Variants in TMEM178A observed in about 807,000 individuals in gnomAD.
TMEM178A encodes transmembrane protein 178.
In TMEM178A, 12 loss-of-function variants were observed where a neutral mutation model predicts 29.1. The observed-to-expected ratio is 0.41, with a 90% confidence interval of 0.26 to 0.67. The LOEUF (loss-of-function observed/expected upper bound fraction) is 0.67, where lower values mean the gene tolerates loss of function less well. Among genes scored for constraint, TMEM178A ranks in the 30% least tolerant of loss-of-function variants. The probability of loss-of-function intolerance (pLI) is 0.29; values close to 1 mark genes in which losing one functional copy is unlikely to be tolerated. For missense variants in TMEM178A, 366 were observed against 419.1 expected, an observed-to-expected ratio of 0.87 and a Z score of 1.11; for synonymous variants, 210 against 187.2, an observed-to-expected ratio of 1.12 and a Z score of -0.99.
chr2:39,694,739 G>C (rs1294204300), intron 1 of TMEM178A, among the ~76,000 whole-genome samples: 19 of 152,164 alleles, frequency 1.2e-4, no homozygotes, highest in Non-Finnish European at 7.3e-5. Flanking sequence ...TCAAAGTATT[G>C]ATTGCATGTT....
chr2:39,696,853 T>A (rs1380338973), intron 1 of TMEM178A, among the ~76,000 whole-genome samples: 1 of 152,224 alleles, frequency 6.6e-6, no homozygotes, highest in Non-Finnish European at 1.5e-5. Context: ...ATCATTAAAG[T>A]GGCTCTACTT....
the TMEM178A span, among the ~76,000 whole-genome samples, chr2:39,728,219 A>C: frequency 4.2e-3 from 644 of 152,164 alleles, 5 homozygotes; most frequent in African/African-American, 0.014. Context: ...TCCTCTCCAG[A>C]ATCTGTTTCC....
At chr2:39,692,604 G>A (rs1671370649) in intron 1 of TMEM178A, among the ~76,000 whole-genome samples, 1 of 152,018 alleles carries the variant, frequency 6.6e-6, no homozygotes, top group Non-Finnish European at 1.5e-5. Flanking sequence ...TGATCCCTAG[G>A]TCACACTTTA....
chr2:39,730,289 G>A, the TMEM178A span, among the ~76,000 whole-genome samples: 1 of 152,156 alleles, frequency 6.6e-6, no homozygotes, highest in Non-Finnish European at 1.5e-5. Context: ...TGGACAATGA[G>A]CAGCTGGGAA....
chr2:39,699,687 G>A (rs1671699126), intron 1 of TMEM178A, among the ~76,000 whole-genome samples: 1 of 152,022 alleles, frequency 6.6e-6, no homozygotes, highest in Admixed American at 6.6e-5. Flanking sequence ...CAACTCCTGG[G>A]TTCAAGTGAC....
downstream of TMEM178A, among the ~76,000 whole-genome samples, chr2:39,720,050 T>C (rs536606835): frequency 5.3e-5 from 8 of 152,218 alleles, no homozygotes; most frequent in African/African-American, 1.4e-4. Flanking sequence ...AAATTAAGCT[T>C]ACTCTTTTTG....
the TMEM178A span, among the ~76,000 whole-genome samples, chr2:39,724,626 G>A: frequency 3.3e-5 from 5 of 152,092 alleles, no homozygotes; most frequent in Non-Finnish European, 5.9e-5. Context: ...TTTTCCCTTT[G>A]AGAGACTGGT....
chr2:39,731,252 A>G, the TMEM178A span, among the ~76,000 whole-genome samples: 1 of 152,220 alleles, frequency 6.6e-6, no homozygotes, highest in Non-Finnish European at 1.5e-5. Flanking sequence ...AGGGTCTTCA[A>G]TATAATTCCC....
chr2:39,681,713 G>A (rs1164791685), intron 1 of TMEM178A, among the ~76,000 whole-genome samples: 1 of 152,140 alleles, frequency 6.6e-6, no homozygotes, highest in Non-Finnish European at 1.5e-5. Flanking sequence ...AAATTACTCT[G>A]TAGTAGCCAT....
At chr2:39,701,502 T>G (rs1161440841) in intron 1 of TMEM178A, among the ~76,000 whole-genome samples, 1 of 152,188 alleles carries the variant, frequency 6.6e-6, no homozygotes, top group Non-Finnish European at 1.5e-5. Flanking sequence ...TTCAACAGTT[T>G]GATTATGATA....
At chr2:39,686,348 G>A (rs1671075838) in intron 1 of TMEM178A, among the ~76,000 whole-genome samples, 1 of 152,126 alleles carries the variant, frequency 6.6e-6, no homozygotes, top group Admixed American at 6.5e-5. Flanking sequence ...TCTGGTAAAA[G>A]GGGATAATCC....
chr2:39,692,534 T>A (rs116919116), intron 1 of TMEM178A, among the ~76,000 whole-genome samples: 51 of 152,214 alleles, frequency 3.4e-4, no homozygotes, highest in Non-Finnish European at 6.3e-4. Context: ...CAGTGATTGA[T>A]AGTTGGCTAC....
chr2:39,732,138 T>A, the TMEM178A span, among the ~76,000 whole-genome samples: 2 of 152,190 alleles, frequency 1.3e-5, no homozygotes, highest in Non-Finnish European at 2.9e-5. Context: ...AAGTGTATAA[T>A]GTGGACTACT....
intron 1 of TMEM178A, among the ~76,000 whole-genome samples, chr2:39,688,563 CT>C (rs541905303): frequency 1.5e-4 from 23 of 152,224 alleles, no homozygotes; most frequent in Non-Finnish European, 2.6e-4. Flanking sequence ...AATTTGTACA[CT>C]TTATTGCCCT....
intron 2 of TMEM178A, 40 bp from the exon 3 acceptor site, chr2:39,707,009 G>T (rs1174745358): frequency 1.3e-6 from 2 of 1,566,782 alleles, no homozygotes; most frequent in South Asian, 2.4e-5. Context: ...TGACTTTCCT[G>T]AATTCTGATT....
the TMEM178A span, among the ~76,000 whole-genome samples, chr2:39,731,432 C>G: frequency 1.3e-5 from 2 of 152,092 alleles, no homozygotes; most frequent in African/African-American, 4.8e-5. Flanking sequence ...TGGGCTGGCT[C>G]AAAATATGGC....
rs187921664 is a variant in TMEM178A, at chr2:39,703,615, A to G, written c.401-466A>G. 3.3e-4 allele frequency among the ~76,000 whole-genome samples: 50 copies of G among 152,340 alleles called. 1 individual carries two copies. The highest frequency in any genetic ancestry group is 3.1e-3 in the Admixed American group (48 of 15,310). On this transcript the variant is annotated intron_variant, in intron 1 of 3. Coordinates refer to ENST00000281961, the MANE Select transcript of TMEM178A (RefSeq NM_152390.3). ...TTTTCGAGGTTTGTCTGGAGATATA[A>G]TCACCACCTAAACCATGTGGAAGGT...
At chr2:39,681,529 G>A (rs991246125) in intron 1 of TMEM178A, among the ~76,000 whole-genome samples, 1 of 152,150 alleles carries the variant, frequency 6.6e-6, no homozygotes, top group Non-Finnish European at 1.5e-5. Flanking sequence ...AGACACCTCC[G>A]TGGATGAGGA....
chr2:39,666,668 C>T (rs1382133138), intron 1 of TMEM178A, among the ~76,000 whole-genome samples: 3 of 152,190 alleles, frequency 2.0e-5, no homozygotes, highest in African/African-American at 7.2e-5. Flanking sequence ...CTCCCATTCC[C>T]CGGTTCTCTC....
Sources: gnomAD v4.1 joint callset for allele counts (sites outside exome capture counted in the v4.1 genomes callset) on GRCh38, gnomAD v4.1.1 for gene constraint, MANE v1.5 for transcripts, NCBI Gene and HGNC (gene_info 2026-07-23, HGNC 2026-07-21) for gene names.